DNAH11: variants seen among roughly 807,000 people sequenced by gnomAD.
DNAH11 encodes dynein axonemal heavy chain 11.
DNAH11 carries 442 observed loss-of-function variants against 526.0 expected under a neutral mutation model. The observed-to-expected ratio is 0.84, with a 90% CI of 0.78 to 0.91. The LOEUF (loss-of-function observed/expected upper bound fraction) is 0.91. Among genes scored for constraint, DNAH11 ranks in the 40% least tolerant of loss-of-function variants. The pLI is 0.00. For synonymous variants in DNAH11, 2,461 were observed against 1,935.9 expected, an observed-to-expected ratio of 1.27 and a Z score of -7.12; for missense variants, 6,989 against 5,448.7, an observed-to-expected ratio of 1.28 and a Z score of -8.90.
intron 2 of DNAH11, among the ~76,000 whole-genome samples, chr7:21,552,617 G>A (rs1267447430): frequency 6.6e-6 from 1 of 152,142 alleles, no homozygotes; most frequent in Non-Finnish European, 1.5e-5. Flanking sequence ...TAACAACTGG[G>A]TTCCCCTGGA....
intron 2 of DNAH11, among the ~76,000 whole-genome samples, chr7:21,553,548 C>G (rs7787079): frequency 0.099 from 15,078 of 152,112 alleles, 1,469 homozygotes; most frequent in East Asian, 0.34. Flanking sequence ...GTGGGTGGGA[C>G]CTACTCAGAA....
At chr7:21,591,129 C>G (rs1214625661) in intron 13 of DNAH11, 56 bp from the exon 14 acceptor site, 5 of 1,521,954 alleles carry the variant, frequency 3.3e-6, no homozygotes, top group Non-Finnish European at 4.4e-6. Flanking sequence ...ACCTTTAAGA[C>G]AGAGAAAATA....
chr7:21,838,273 G>T (rs1782069337), intron 65 of DNAH11, among the ~76,000 whole-genome samples: 1 of 152,206 alleles, frequency 6.6e-6, no homozygotes, highest in Non-Finnish European at 1.5e-5. Context: ...AGACAAGCGT[G>T]AACCTCTGAG....
intron 20 of DNAH11, among the ~76,000 whole-genome samples, chr7:21,614,191 G>C (rs1026454389): frequency 6.6e-6 from 1 of 152,194 alleles, no homozygotes; most frequent in Non-Finnish European, 1.5e-5. Context: ...GGTATTTAAA[G>C]TTCAAAGAAA....
chr7:21,558,928 A>G lies in DNAH11; in HGVS notation c.622A>G (p.Arg208Gly), dbSNP rs1364128150. ...GTATATTTTTAGGGGCAAAATGTCT[A>G]GAAGAACTCTTCTACCAATTCCCAC... ...KMYIFRGKMSRRTLLPIPTVA... is the reference protein window; with the variant it reads ...KMYIFRGKMSGRTLLPIPTVA... The change falls in exon 3 of 82, where the codon AGA becomes GGA. Residue 208 changes from arginine (R) to glycine (G), a missense_variant. Arg to Gly is a moderately radical substitution (Grantham distance 125). Transcript: ENST00000409508. The G allele has an allele frequency of 1.3e-6, 2 of 1,598,664 alleles. No homozygotes were observed. Among genetic ancestry groups the G allele is most frequent in the Non-Finnish European group, 1.7e-6 (2 of 1,171,790 alleles).
At chr7:21,894,250 CTAA>C (rs775737339) in intron 77 of DNAH11, among the ~76,000 whole-genome samples, 5 of 152,078 alleles carry the variant, frequency 3.3e-5, no homozygotes, top group Non-Finnish European at 7.3e-5. Flanking sequence ...ATATGGTACC[CTAA>C]TAATAGGCTT....
Position 21,710,713 on chromosome 7 carries a change from AC to A in DNAH11, c.6834+12del, listed in dbSNP as rs753938576. On this transcript the variant is annotated intron_variant, in intron 41 of 81. Transcript: ENST00000409508. ...AATGGATGATAACAAGGTGAATAAA[AC>A]CTCTGTTCTCAACCTTAAATATAAC... 1.2e-6 allele frequency: 2 copies of A among 1,606,360 alleles called. No individual in the cohort carries two copies. The highest frequency in any genetic ancestry group is 1.7e-6 in the Non-Finnish European group (2 of 1,176,502).
Position 21,867,917 on chromosome 7 carries a change from G to A in DNAH11, c.11749G>A (p.Val3917Ile). The change falls in exon 72 of 82, where the codon GTT becomes ATT. Residue 3917 changes from valine to isoleucine, a missense_variant. Physicochemically the swap from Val to Ile is conservative, Grantham distance 29 (BLOSUM62 3). Coordinates refer to ENST00000409508, the MANE Select transcript of DNAH11 (RefSeq NM_001277115.2). ...TGTGGAGAGGACCAGATTGGACTTAGTTAAAGCATTCGAAGAAAGCAGCCC... is the reference window on the plus strand; with the variant it reads ...TGTGGAGAGGACCAGATTGGACTTAATTAAAGCATTCGAAGAAAGCAGCCC... Reference protein sequence around the residue: ...KYVERTRLDLVKAFEESSPAT... With the variant: ...KYVERTRLDLIKAFEESSPAT... 6.3e-7 allele frequency: 1 copy of A among 1,581,050 alleles called. No individual in the cohort carries two copies. Among genetic ancestry groups the A allele is most frequent in the Non-Finnish European group, 8.6e-7 (1 of 1,162,184 alleles).
chr7:21,668,036 G>T (rs1008378501), intron 30 of DNAH11, among the ~76,000 whole-genome samples: 1 of 152,174 alleles, frequency 6.6e-6, no homozygotes, highest in South Asian at 2.1e-4. Flanking sequence ...GAGATGTAAG[G>T]ATTTTCCACT....
chr7:21,726,869 A>C (rs1785135086), intron 45 of DNAH11, among the ~76,000 whole-genome samples: 2 of 114,774 alleles, frequency 1.7e-5, no homozygotes, highest in African/African-American at 8.0e-5. Flanking sequence ...TCAAAAAAAA[A>C]AAAAAAAAAA....
In DNAH11 at chr7:21,901,151, C is replaced by A. The variant is rs753935900; in HGVS notation, c.13448C>A (p.Thr4483Asn). Reference sequence around the variant, plus strand: ...ACCTACGAGTGCCCTGTGTATAGAACCAAACTGAGAGGCCCCAGCTACATC... The same window carrying A: ...ACCTACGAGTGCCCTGTGTATAGAAACAAACTGAGAGGCCCCAGCTACATC... ...KQTYECPVYR[T>N]KLRGPSYIWT... Residue 4483 changes from threonine (T) to asparagine (N), a missense_variant, in exon 82 of 82, where the codon ACC becomes AAC. Coordinates refer to ENST00000409508, the MANE Select transcript of DNAH11 (RefSeq NM_001277115.2). The A allele has an allele frequency of 6.2e-7, 1 of 1,612,988 alleles. No homozygotes were observed. The highest frequency in any genetic ancestry group is 8.5e-7 in the Non-Finnish European group (1 of 1,179,164).
rs574744415 is a variant in DNAH11 at position 21,563,870 on chromosome 7, G to T, written c.983-316G>T. On this transcript the variant is annotated intron_variant, in intron 5 of 81. Coordinates refer to ENST00000409508, the MANE Select transcript of DNAH11 (RefSeq NM_001277115.2). Reference sequence around the variant, plus strand: ...CAACATTGCAGAGAGGTTTTATTCCGACAGTTTCCACAGGGTTGAGTAAAT... The same window carrying T: ...CAACATTGCAGAGAGGTTTTATTCCTACAGTTTCCACAGGGTTGAGTAAAT... Among the ~76,000 whole-genome samples, 107 of 152,166 alleles carry T rather than the reference G, an allele frequency of 7.0e-4. 1 individual carries two copies. Among genetic ancestry groups the T allele is most frequent in the African/African-American group, 2.4e-3 (101 of 41,512 alleles).
intron 65 of DNAH11, among the ~76,000 whole-genome samples, chr7:21,828,097 C>T (rs943176724): frequency 3.3e-5 from 5 of 152,096 alleles, no homozygotes; most frequent in Non-Finnish European, 4.4e-5. Flanking sequence ...TACAGGCATG[C>T]GCCACCATGC....
rs764377953 is a variant in DNAH11, at chr7:21,620,073, A to G, written c.4495A>G (p.Asn1499Asp). The G allele has an allele frequency of 2.5e-6, 4 of 1,582,018 alleles. No homozygotes were observed. The highest frequency in any genetic ancestry group is 2.6e-6 in the Non-Finnish European group (3 of 1,168,722). ...DEQLFETLEH[N>D]QVQLQTLLQS... ...ACAACTTTTTGAAACTCTAGAGCAC[A>G]ACCAAGTAAGATGGATATTTTTATT... The change falls in exon 25 of 82, where the codon AAC becomes GAC. Residue 1499 changes from asparagine (N) to aspartate (D), a missense_variant. Asn to Asp is a conservative substitution (Grantham distance 23, BLOSUM62 1). Transcript: ENST00000409508.
At chr7:21,738,663 T>C (rs1785728207) in intron 46 of DNAH11, 38 bp from the exon 47 acceptor site, 1 of 1,510,964 alleles carries the variant, frequency 6.6e-7, no homozygotes, top group African/African-American at 1.4e-5. Flanking sequence ...ACATTTACAT[T>C]CTGTTGATGG....
At chr7:21,897,783 A>T (rs1347838291) in intron 79 of DNAH11, among the ~76,000 whole-genome samples, 1 of 151,980 alleles carries the variant, frequency 6.6e-6, no homozygotes, top group African/African-American at 2.4e-5. Context: ...TGCCCGGCCA[A>T]CTTTGTTATT....
chr7:21,780,715 T>G (rs571013770), intron 57 of DNAH11, among the ~76,000 whole-genome samples: 1 of 152,220 alleles, frequency 6.6e-6, no homozygotes, highest in African/African-American at 2.4e-5. Context: ...GGACATACTA[T>G]TTTTTATGTT....
chr7:21,652,933 G>T (rs551205972), intron 28 of DNAH11, among the ~76,000 whole-genome samples: 1 of 152,238 alleles, frequency 6.6e-6, no homozygotes, highest in South Asian at 2.1e-4. Flanking sequence ...CTGGAGTGCA[G>T]TGGTGCCTTC....
chr7:21,813,723 T>C (rs1461472364), intron 63 of DNAH11, among the ~76,000 whole-genome samples: 1 of 152,146 alleles, frequency 6.6e-6, no homozygotes, highest in Non-Finnish European at 1.5e-5. Flanking sequence ...CAGCTCCACC[T>C]CATAGTAACA....
Sources: gnomAD v4.1 joint callset for allele counts (sites outside exome capture counted in the v4.1 genomes callset) on GRCh38, gnomAD v4.1.1 for gene constraint, MANE v1.5 for transcripts, NCBI Gene and HGNC (gene_info 2026-07-23, HGNC 2026-07-21) for gene names.